PLCB4: variants seen among roughly 807,000 people sequenced by gnomAD.
PLCB4 encodes the protein 1-phosphatidylinositol 4,5-bisphosphate phosphodiesterase beta-4.
A neutral mutation model predicts 178.8 loss-of-function variants in PLCB4; 77 were observed. That is an observed-to-expected ratio of 0.43 (90% CI 0.36 to 0.52). The LOEUF (loss-of-function observed/expected upper bound fraction) is 0.52. PLCB4 is among the 20% of genes least tolerant of loss of function. The probability of loss-of-function intolerance (pLI) is 0.00; values close to 1 mark genes in which losing one functional copy is unlikely to be tolerated. For synonymous variants in PLCB4, 496 were observed against 490.8 expected (o/e 1.01, Z -0.14); for missense variants, 1,024 against 1,453.4 (o/e 0.70, Z 4.80).
intron 3 of PLCB4, among the ~76,000 whole-genome samples, chr20:9,221,248 A>G (rs2147291235): frequency 6.6e-6 from 1 of 152,282 alleles, no homozygotes; most frequent in African/African-American, 2.4e-5. Flanking sequence ...TCTGTTCCAC[A>G]TCAAGGCAAT....
intron 1 of PLCB4, among the ~76,000 whole-genome samples, chr20:9,086,991 G>A (rs2146545548): frequency 6.6e-6 from 1 of 152,202 alleles, no homozygotes; most frequent in East Asian, 1.9e-4. Context: ...AATATAGCCA[G>A]TTCAACATTA....
intron 2 of PLCB4, among the ~76,000 whole-genome samples, chr20:9,156,764 G>A (rs1456830611): frequency 6.9e-6 from 1 of 145,218 alleles, no homozygotes; most frequent in Admixed American, 7.2e-5. Context: ...GGTTACATTT[G>A]CAATCAGCAT....
chr20:9,430,624 T>A (rs6086880), intron 28 of PLCB4, among the ~76,000 whole-genome samples: 13,217 of 152,212 alleles, frequency 0.087, 724 homozygotes, highest in East Asian at 0.31. Flanking sequence ...AATGGATAAA[T>A]CTTCAGCAGG....
At chr20:9,266,962 G>A (rs1272641810) in intron 3 of PLCB4, among the ~76,000 whole-genome samples, 6 of 152,182 alleles carry the variant, frequency 3.9e-5, no homozygotes, top group African/African-American at 7.2e-5. Context: ...GCCTTGTGCA[G>A]CAGTACCTTA....
At chr20:9,223,299 C>G (rs1008462768) in intron 3 of PLCB4, among the ~76,000 whole-genome samples, 14 of 152,122 alleles carry the variant, frequency 9.2e-5, no homozygotes, top group Admixed American at 6.5e-5. Flanking sequence ...TTTTGCAGTA[C>G]ATGAAATGAG....
Position 9,468,581 on chromosome 20 carries a change from G to A in PLCB4, c.3259G>A (p.Glu1087Lys). ...GTTTTTAATACATAGGGAAAGCAAG[G>A]AAATGCGAGCACACCAGGCTAAGAT... The part of the protein sequence containing the change: ...LKLSHDRESK[E>K]MRAHQAKISM... Residue 1087 changes from glutamate (E) to lysine (K), a missense_variant, in exon 36 of 40, where the codon GAA (glutamate) becomes AAA (lysine). Physicochemically the swap from Glu to Lys is moderately conservative, Grantham distance 56. Around this residue, in one of 7 missense-constraint regions of PLCB4, gnomAD observed 264 missense variants for 283.2 expected, o/e 0.93. Transcript: ENST00000378473. The A allele has an allele frequency of 6.2e-7, 1 of 1,604,298 alleles. No homozygotes were observed. The highest frequency in any genetic ancestry group is 8.5e-7 in the Non-Finnish European group (1 of 1,171,552).
chr20:9,379,090 G>A (rs941642220), intron 12 of PLCB4, among the ~76,000 whole-genome samples: 2 of 152,104 alleles, frequency 1.3e-5, no homozygotes, highest in Admixed American at 6.6e-5. Flanking sequence ...ATTGAGGTTT[G>A]CTTTATTTAT....
At chr20:9,313,565 C>CT in intron 4 of PLCB4, among the ~76,000 whole-genome samples, 1 of 152,176 alleles carries the variant, frequency 6.6e-6, no homozygotes, top group Non-Finnish European at 1.5e-5. Context: ...AGTTAAATTG[C>CT]TGTGTTTTTA....
chr20:9,222,212 C>T (rs1601259577), intron 3 of PLCB4, among the ~76,000 whole-genome samples: 1 of 152,074 alleles, frequency 6.6e-6, no homozygotes, highest in East Asian at 1.9e-4. Flanking sequence ...GCCTCAACCT[C>T]CTAAGAGGCT....
chr20:9,110,199 GT>G (rs920432710), intron 2 of PLCB4, among the ~76,000 whole-genome samples: 5 of 148,274 alleles, frequency 3.4e-5, no homozygotes, highest in Admixed American at 6.8e-5. Context: ...GTCTGGAATT[GT>G]TTTTTTTTTA....
At chr20:9,409,566 T>G (rs1399276626) in intron 24 of PLCB4, among the ~76,000 whole-genome samples, 1 of 152,202 alleles carries the variant, frequency 6.6e-6, no homozygotes, top group Non-Finnish European at 1.5e-5. Flanking sequence ...TCATTTCTCC[T>G]TTGGCAAACA....
chr20:9,081,896 T>C (rs2090167163), intron 1 of PLCB4, among the ~76,000 whole-genome samples: 1 of 151,674 alleles, frequency 6.6e-6, no homozygotes, highest in African/African-American at 2.4e-5. Context: ...GGAAATATGA[T>C]AAGTAATTTG....
intron 20 of PLCB4, among the ~76,000 whole-genome samples, chr20:9,402,872 G>C (rs1284617429): frequency 2.0e-5 from 3 of 152,188 alleles, no homozygotes; most frequent in African/African-American, 7.2e-5. Context: ...CAAATGGGAT[G>C]ACTATTTGAG....
At chr20:9,179,636 G>T (rs2093213163) in intron 2 of PLCB4, among the ~76,000 whole-genome samples, 2 of 152,246 alleles carry the variant, frequency 1.3e-5, no homozygotes, top group South Asian at 4.1e-4. Context: ...CACTGAGGAA[G>T]GAGATGAGTC....
At chr20:9,259,521 A>T (rs1022726392) in intron 3 of PLCB4, among the ~76,000 whole-genome samples, 1 of 152,148 alleles carries the variant, frequency 6.6e-6, no homozygotes, top group African/African-American at 2.4e-5. Flanking sequence ...TGAATTAAGA[A>T]AGAGAGGTTT....
chr20:9,108,366 G>A (rs2091444914), intron 2 of PLCB4, among the ~76,000 whole-genome samples: 1 of 152,054 alleles, frequency 6.6e-6, no homozygotes. Flanking sequence ...TTAGAGATCA[G>A]GGATAAAGTG....
chr20:9,205,280 G>A (rs1282126026), intron 2 of PLCB4, among the ~76,000 whole-genome samples: 1 of 152,146 alleles, frequency 6.6e-6, no homozygotes, highest in Non-Finnish European at 1.5e-5. Context: ...GTAGGCCAAT[G>A]TAAGCATTCG....
At chr20:9,228,450 G>A (rs1389014281) in intron 3 of PLCB4, among the ~76,000 whole-genome samples, 1 of 152,120 alleles carries the variant, frequency 6.6e-6, no homozygotes, top group Non-Finnish European at 1.5e-5. Flanking sequence ...ACTTTTGTCT[G>A]TGGATCCTTA....
At chr20:9,271,470 C>A (rs1232732721) in intron 3 of PLCB4, among the ~76,000 whole-genome samples, 1 of 152,124 alleles carries the variant, frequency 6.6e-6, no homozygotes, top group African/African-American at 2.4e-5. Context: ...CCAGGACTCT[C>A]TGGTAACAAA....
Sources: allele counts gnomAD v4.1 joint callset (sites outside exome capture counted in the v4.1 genomes callset), GRCh38; gene constraint gnomAD v4.1.1; regional missense constraint gnomAD v4.1.1; transcripts MANE v1.5; gene names NCBI Gene and HGNC (gene_info 2026-07-23, HGNC 2026-07-21).